PAM: variants seen among roughly 807,000 people sequenced by gnomAD.
PAM encodes peptidylglycine alpha-amidating monooxygenase, also known as peptidyl-glycine alpha-amidating monooxygenase.
A neutral mutation model predicts 122.1 loss-of-function variants in PAM; 72 were observed. The observed-to-expected ratio is 0.59, with a 90% CI of 0.49 to 0.72. PAM has a LOEUF of 0.72. PAM is among the 30% of genes least tolerant of loss of function. The probability of loss-of-function intolerance (pLI) is 0.00; values close to 1 mark genes in which losing one functional copy is unlikely to be tolerated. For synonymous variants in PAM, 389 were observed against 404.4 expected (o/e 0.96, Z 0.46); for missense variants, 1,106 against 1,183.7 (o/e 0.93, Z 0.96).
intron 3 of PAM, among the ~76,000 whole-genome samples, chr5:102,877,858 A>G (rs1377731896): frequency 2.0e-5 from 3 of 152,028 alleles, no homozygotes; most frequent in African/African-American, 7.3e-5. Context: ...AGAGATCCCC[A>G]TCTCTACAAA....
At chr5:102,787,199 C>T (rs951927745) in intron 1 of PAM, among the ~76,000 whole-genome samples, 1 of 152,080 alleles carries the variant, frequency 6.6e-6, no homozygotes, top group African/African-American at 2.4e-5. Flanking sequence ...CAATCTATTT[C>T]AAGTGGGGTT....
chr5:102,985,427 T>C (rs1242401005), intron 15 of PAM, among the ~76,000 whole-genome samples: 1 of 152,148 alleles, frequency 6.6e-6, no homozygotes, highest in African/African-American at 2.4e-5. Flanking sequence ...AGAGATATAC[T>C]GATTTCTGTA....
Position 103,017,423 on chromosome 5 carries a change from C to G in PAM, c.2421C>G (p.Thr807=). 6.3e-7 allele frequency: 1 copy of G among 1,585,172 alleles called. No homozygotes were observed. Among genetic ancestry groups the G allele is most frequent in the Non-Finnish European group, 8.7e-7 (1 of 1,153,754 alleles). ...ATACCAACACCGTGTGGAAGTTCAC[C>G]TTGACTGAGAGTATGGTTTTCACAG... The part of the protein sequence containing the change: ...DAHTNTVWKF[T]LTEKLEHRSV... Residue 807 remains threonine (T), a synonymous_variant, in exon 22 of 26, where the codon ACC becomes ACG. Transcript: ENST00000438793.
intron 12 of PAM, among the ~76,000 whole-genome samples, chr5:102,952,427 C>T (rs1759255307): frequency 6.6e-6 from 1 of 152,000 alleles, no homozygotes; most frequent in Non-Finnish European, 1.5e-5. Context: ...AAAATGACTA[C>T]ACTAATTTAT....
At chr5:103,021,193 T>G (rs1034694359) in intron 23 of PAM, among the ~76,000 whole-genome samples, 1 of 152,184 alleles carries the variant, frequency 6.6e-6, no homozygotes, top group African/African-American at 2.4e-5. Flanking sequence ...ATAGTACATT[T>G]TAGAGTCAAG....
At chr5:102,915,531 A>G (rs1802853729) in intron 5 of PAM, among the ~76,000 whole-genome samples, 2 of 152,180 alleles carry the variant, frequency 1.3e-5, no homozygotes, top group African/African-American at 4.8e-5. Flanking sequence ...ACTCTTCAGT[A>G]AATTTTTGTA....
chr5:102,855,248 A>G (rs1166142837), intron 1 of PAM, among the ~76,000 whole-genome samples: 2 of 152,170 alleles, frequency 1.3e-5, no homozygotes, highest in Admixed American at 6.5e-5. Flanking sequence ...GATCTTTAAG[A>G]AAAATTTCCA....
chr5:102,829,440 C>T (rs553960387), intron 1 of PAM, among the ~76,000 whole-genome samples: 3 of 148,536 alleles, frequency 2.0e-5, no homozygotes, highest in Non-Finnish European at 3.0e-5. Flanking sequence ...GTCGCGATCT[C>T]GGTTCACTGC....
At chr5:102,838,335 C>A in intron 1 of PAM, 1 of 151,930 alleles carries the variant, frequency 6.6e-6, no homozygotes, top group East Asian at 1.9e-4. Context: ...TAAAAAACAC[C>A]AATGCCCAAG....
chr5:102,906,074 C>G (rs1376187704), intron 4 of PAM, among the ~76,000 whole-genome samples: 1 of 151,614 alleles, frequency 6.6e-6, no homozygotes, highest in Non-Finnish European at 1.5e-5. Context: ...GTCTTCTATC[C>G]TTTGGTCACC....
At chr5:102,802,671 T>C (rs181563061) in intron 1 of PAM, among the ~76,000 whole-genome samples, 27 of 152,296 alleles carry the variant, frequency 1.8e-4, no homozygotes, top group African/African-American at 6.5e-4. Context: ...TTGGCCAGTT[T>C]CTATTTCTGT....
At chr5:102,906,419 C>A (rs1799570392) in intron 4 of PAM, among the ~76,000 whole-genome samples, 1 of 151,514 alleles carries the variant, frequency 6.6e-6, no homozygotes, top group Non-Finnish European at 1.5e-5. Context: ...CTGAAGATGA[C>A]CTATTTGAAT....
chr5:102,787,145 A>C (rs906848818), intron 1 of PAM, among the ~76,000 whole-genome samples: 2 of 152,096 alleles, frequency 1.3e-5, no homozygotes, highest in African/African-American at 4.8e-5. Context: ...CATCCTTAGC[A>C]TTTTATTTAT....
intron 4 of PAM, 131 bp from the exon 5 acceptor site, chr5:102,913,803 G>A (rs1162284311): frequency 1.3e-5 from 8 of 604,438 alleles, no homozygotes; most frequent in African/African-American, 1.3e-4. Flanking sequence ...TACAGACAGG[G>A]CATTTGATCA....
chr5:102,919,543 A>G (rs1449513464), intron 5 of PAM, among the ~76,000 whole-genome samples: 1 of 152,078 alleles, frequency 6.6e-6, no homozygotes, highest in Non-Finnish European at 1.5e-5. Context: ...AAAGTTAAAT[A>G]TATGTAACAT....
At chr5:102,939,962 C>A (rs1449633665) in intron 7 of PAM, among the ~76,000 whole-genome samples, 1 of 151,880 alleles carries the variant, frequency 6.6e-6, no homozygotes, top group South Asian at 2.1e-4. Context: ...GTGTTCCCAA[C>A]AAAATGGATA....
chr5:102,983,446 C>CAAAAAAAAAAAAAAAAAAA (rs70990421), intron 15 of PAM, among the ~76,000 whole-genome samples: 1 of 103,572 alleles, frequency 9.7e-6, no homozygotes, highest in African/African-American at 3.6e-5. Flanking sequence ...TGAGACTGTC[C>CAAAAAAAAAAAAAAAAAAA]AAAAAAAAAA....
intron 4 of PAM, 149 bp downstream of exon 4, chr5:102,901,562 CT>C: frequency 3.3e-6 from 2 of 607,484 alleles, no homozygotes; most frequent in South Asian, 4.0e-5. Context: ...CAGAAACAAA[CT>C]AGAGAGAGCC....
rs528272872 is a variant in PAM at position 103,029,297 on chromosome 5, C to T, written c.*232C>T. ...TTATATGAACATAGACTAGAGAAACCGTCCTCTTTTTCCATCATAATTCTA... is the reference window on the plus strand; with the variant it reads ...TTATATGAACATAGACTAGAGAAACTGTCCTCTTTTTCCATCATAATTCTA... On this transcript the variant is annotated 3_prime_UTR_variant, in exon 26 of 26. Transcript: ENST00000438793. 287 of 363,036 alleles carry T rather than the reference C, an allele frequency of 7.9e-4. 2 individuals are homozygous for T. The highest frequency in any genetic ancestry group is 5.9e-5 in the Non-Finnish European group (12 of 204,048). 22.5% of individuals were successfully genotyped at this position (363,036 alleles called of 1,614,324 possible).
Sources: gnomAD v4.1 joint callset for allele counts (sites outside exome capture counted in the v4.1 genomes callset) on GRCh38, gnomAD v4.1.1 for gene constraint, MANE v1.5 for transcripts, NCBI Gene and HGNC (gene_info 2026-07-23, HGNC 2026-07-21) for gene names.